The following IPCEF1 variants were observed in gnomAD, a reference collection of about 807,000 sequenced individuals.
IPCEF1 encodes interactor protein for cytohesin exchange factors 1.
In IPCEF1, 31 loss-of-function variants were observed where a neutral mutation model predicts 50.9. The ratio of observed to expected loss-of-function variants is 0.61; its 90% confidence interval spans 0.46 to 0.82. The LOEUF (loss-of-function observed/expected upper bound fraction) is 0.82. Among genes scored for constraint, IPCEF1 ranks in the 40% least tolerant of loss-of-function variants. The pLI, the probability that IPCEF1 is intolerant of heterozygous loss-of-function variation, is 0.00. For synonymous variants in IPCEF1, 181 were observed against 192.0 expected (o/e 0.94, Z 0.47); for missense variants, 458 against 514.0 (o/e 0.89, Z 1.05).
intron 10 of IPCEF1, among the ~76,000 whole-genome samples, chr6:154,189,929 G>A (rs1320949011): frequency 6.7e-6 from 1 of 148,970 alleles, no homozygotes; most frequent in Admixed American, 6.6e-5. Context: ...GGGCGACAGA[G>A]TAAGACTCAG....
rs749221847 is a variant in IPCEF1 at position 154,168,110 on chromosome 6, T to G, written c.914A>C (p.Glu305Ala). Residue 305 changes from glutamate to alanine, a missense_variant, in exon 11 of 12, where the codon GAG becomes GCG. Transcript: ENST00000367220. This position sits in a 1 kb window ranked among gnomAD's most constrained non-coding sequence, Gnocchi z 4.1. ...TTCATCATCTTCAGACACTTTTGTC[T>G]CTTCTATTTGAAAAAAAAAAAGAAA... The part of the protein sequence containing the change: ...PAGSKIMDKE[E>A]TKVSEDDEME... 7.2e-6 allele frequency: 11 copies of G among 1,528,008 alleles called. No individual in the cohort carries two copies. Among genetic ancestry groups the G allele is most frequent in the African/African-American group, 1.4e-5 (1 of 71,806 alleles). The allele number at this position is 1,528,008 out of a possible 1,614,324, so 94.7% of individuals were successfully genotyped here.
intron 1 of IPCEF1, among the ~76,000 whole-genome samples, chr6:154,304,679 G>A (rs1021936258): frequency 1.6e-4 from 25 of 152,144 alleles, no homozygotes; most frequent in African/African-American, 5.8e-4. Context: ...TAGACAGTCA[G>A]TTACCTATTG....
At chr6:154,260,024 C>T (rs1003998213) in intron 3 of IPCEF1, among the ~76,000 whole-genome samples, 5 of 152,266 alleles carry the variant, frequency 3.3e-5, no homozygotes, top group Admixed American at 6.5e-5. Flanking sequence ...ATGGAGTGAG[C>T]GGTGAGACAT....
rs189061517 is a variant in IPCEF1, at chr6:154,195,111, C to T, written c.910+4557G>A. Among the ~76,000 whole-genome samples, 21 of 151,776 alleles carry T rather than the reference C, an allele frequency of 1.4e-4. No homozygotes were observed. In the East Asian group the frequency reaches 4.1e-3, roughly 29 times the overall value. On this transcript the variant is annotated intron_variant, in intron 10 of 11. Coordinates refer to ENST00000367220, the MANE Select transcript of IPCEF1 (RefSeq NM_001130700.2). The stretch of plus-strand genomic sequence containing the variant: ...CTGTCTCCTCTTATTCTCTTCTTCC[C>T]TGCACTCTACAGCTAAAATAATTTT...
intron 1 of IPCEF1, among the ~76,000 whole-genome samples, chr6:154,339,153 G>A (rs537126255): frequency 6.6e-6 from 1 of 152,120 alleles, no homozygotes; most frequent in African/African-American, 2.4e-5. Context: ...TTGAATCTGT[G>A]CTCCTCGGTG....
At chr6:154,324,779 G>C (rs1277261999) in intron 1 of IPCEF1, among the ~76,000 whole-genome samples, 1 of 152,168 alleles carries the variant, frequency 6.6e-6, no homozygotes, top group African/African-American at 2.4e-5. Context: ...CTGTACTCCA[G>C]CCTGGGTGAC....
chr6:154,296,567 C>T (rs1011012726), intron 1 of IPCEF1, among the ~76,000 whole-genome samples: 6 of 152,102 alleles, frequency 3.9e-5, no homozygotes, highest in Admixed American at 2.6e-4. Flanking sequence ...TGGTGGCTCA[C>T]GCCTGTAATC....
intron 11 of IPCEF1, among the ~76,000 whole-genome samples, chr6:154,163,088 A>C (rs1199019752): frequency 2.0e-5 from 3 of 152,258 alleles, no homozygotes; most frequent in South Asian, 4.1e-4. Context: ...GACATGACAC[A>C]AAGCATGCCA....
intron 1 of IPCEF1, among the ~76,000 whole-genome samples, chr6:154,346,199 A>G (rs1784026627): frequency 3.3e-5 from 5 of 152,152 alleles, no homozygotes; most frequent in Admixed American, 3.3e-4. Flanking sequence ...AAGCAAAAAC[A>G]TTGAAGATTT....
At chr6:154,239,598 G>T (rs539090353) in intron 5 of IPCEF1, among the ~76,000 whole-genome samples, 1 of 152,288 alleles carries the variant, frequency 6.6e-6, no homozygotes, top group South Asian at 2.1e-4. Flanking sequence ...GTCCAGACAT[G>T]TCAACATTCC....
rs560767442 is a variant in IPCEF1 at position 154,263,995 on chromosome 6, CG to C, written c.36+1916del. On this transcript the variant is annotated intron_variant, in intron 3 of 11. Coordinates refer to ENST00000367220, the MANE Select transcript of IPCEF1 (RefSeq NM_001130700.2). ...TTCCCGGATGGGGCGGCTGGCCGGGCGGGGGGCTGACCCCCCCCACCTCCCT... is the reference window on the plus strand; with the variant it reads ...TTCCCGGATGGGGCGGCTGGCCGGGCGGGGGCTGACCCCCCCCACCTCCCT... Among the ~76,000 whole-genome samples the C allele has an allele frequency of 6.0e-4, 55 of 91,986 alleles. 3 individuals are homozygous for C. The South Asian group carries it at 0.015, about 24-fold the overall frequency. The allele number at this position is 91,986 out of a possible 152,430, so 60.3% of individuals were successfully genotyped here.
At chr6:154,215,464 G>C (rs1302997908) in intron 7 of IPCEF1, among the ~76,000 whole-genome samples, 1 of 151,966 alleles carries the variant, frequency 6.6e-6, no homozygotes, top group East Asian at 1.9e-4. Flanking sequence ...AAATTAGCCG[G>C]GTGTGGTGGC....
intron 11 of IPCEF1, among the ~76,000 whole-genome samples, chr6:154,162,002 C>T (rs1311528217): frequency 1.3e-5 from 2 of 152,202 alleles, no homozygotes; most frequent in Non-Finnish European, 2.9e-5. Flanking sequence ...GATGGCCTTG[C>T]TATCTCTTTG....
At chr6:154,274,217 T>C (rs139229904) in intron 2 of IPCEF1, among the ~76,000 whole-genome samples, 3 of 152,196 alleles carry the variant, frequency 2.0e-5, no homozygotes, top group Non-Finnish European at 4.4e-5. Flanking sequence ...CTCTCCACTT[T>C]GATGATGAAT....
chr6:154,249,352 G>A (rs1781281083), intron 3 of IPCEF1, among the ~76,000 whole-genome samples: 1 of 152,048 alleles, frequency 6.6e-6, no homozygotes, highest in South Asian at 2.1e-4. Flanking sequence ...GCCCAAATAT[G>A]TATATTATTT....
intron 10 of IPCEF1, among the ~76,000 whole-genome samples, chr6:154,195,350 T>C (rs9478521): frequency 0.097 from 14,738 of 151,942 alleles, 1,109 homozygotes; most frequent in African/African-American, 0.21. Flanking sequence ...GGTTTCACCA[T>C]GTTAGCCAGG....
chr6:154,228,062 C>A (rs1036440891), intron 5 of IPCEF1, among the ~76,000 whole-genome samples: 1 of 152,146 alleles, frequency 6.6e-6, no homozygotes, highest in African/African-American at 2.4e-5. Flanking sequence ...TCTCTTCCTC[C>A]TCCTTTTCCT....
intron 11 of IPCEF1, 110 bp downstream of exon 11, chr6:154,167,810 C>G (rs1799558471): frequency 1.3e-6 from 1 of 783,406 alleles, no homozygotes; most frequent in Non-Finnish European, 2.0e-6. Flanking sequence ...TTTTACAGCC[C>G]TTCCCTGCAA....
chr6:154,211,519 T>C (rs1777964364), intron 9 of IPCEF1, among the ~76,000 whole-genome samples: 1 of 152,050 alleles, frequency 6.6e-6, no homozygotes, highest in Admixed American at 6.5e-5. Flanking sequence ...TCAACATCTC[T>C]GAACCTCAGT....
Sources: gnomAD v4.1 joint callset for allele counts (sites outside exome capture counted in the v4.1 genomes callset) on GRCh38, gnomAD v4.1.1 for gene constraint, Gnocchi (gnomAD v3.1) non-coding constraint, MANE v1.5 for transcripts, NCBI Gene and HGNC (gene_info 2026-07-23, HGNC 2026-07-21) for gene names.